The following HDAC9 variants were observed in gnomAD, a reference collection of about 807,000 sequenced individuals.
HDAC9 encodes histone deacetylase 9.
Under a neutral mutation model 139.4 loss-of-function variants are expected in HDAC9, and 41 were observed. That is an observed-to-expected ratio of 0.29 (90% CI 0.23 to 0.38). The LOEUF (loss-of-function observed/expected upper bound fraction) is 0.38, where lower values mean the gene tolerates loss of function less well. HDAC9 is among the 10% of genes least tolerant of loss of function. The pLI, the probability that HDAC9 is intolerant of heterozygous loss-of-function variation, is 1.00. For missense variants in HDAC9, 1,147 were observed against 1,297.0 expected (o/e 0.88, Z 1.78); for synonymous variants, 517 against 476.2 (o/e 1.09, Z -1.12).
chr7:18,903,687 A>C lies in HDAC9; in HGVS notation c.2803+29091A>C, dbSNP rs1801939672. 2.0e-5 allele frequency among the ~76,000 whole-genome samples: 3 copies of C among 152,292 alleles called. 1 individual carries two copies. In the South Asian group the frequency reaches 6.2e-4, roughly 32 times the overall value. ...TTTACTCCTCACTATCTTTCTGACA[A>C]ACATTCTCATTTATTCTACCTACAT... On this transcript the variant is annotated intron_variant, in intron 22 of 25. Coordinates refer to ENST00000686413, the MANE Select transcript of HDAC9 (RefSeq NM_178425.4).
rs184678802 is a variant in HDAC9, at chr7:18,484,348, A to C, written c.-41-11914A>C. Reference sequence around the variant, plus strand: ...AGATCCTATTAAAAAAAAAAAAAGTAAATGTCTATAGGTATTGAAATACAA... The same window carrying C: ...AGATCCTATTAAAAAAAAAAAAAGTCAATGTCTATAGGTATTGAAATACAA... On this transcript the variant is annotated intron_variant, in intron 1 of 3. Transcript: ENST00000413509. 2.0e-5 allele frequency among the ~76,000 whole-genome samples: 3 copies of C among 151,906 alleles called. No homozygotes were observed. In the East Asian group the frequency reaches 5.8e-4, roughly 29 times the overall value.
intron 16 of HDAC9, among the ~76,000 whole-genome samples, chr7:18,783,230 T>C (rs1791405656): frequency 6.6e-6 from 1 of 152,122 alleles, no homozygotes; most frequent in Non-Finnish European, 1.5e-5. Flanking sequence ...TAATTTTACT[T>C]CTGGCTTCAC....
chr7:18,886,904 T>C (rs1454114007), intron 22 of HDAC9, among the ~76,000 whole-genome samples: 1 of 152,366 alleles, frequency 6.6e-6, no homozygotes, highest in East Asian at 1.9e-4. Context: ...TTTATTATGA[T>C]GATTGCTATA....
chr7:18,694,111 G>A (rs1782861904), intron 12 of HDAC9, among the ~76,000 whole-genome samples: 1 of 152,080 alleles, frequency 6.6e-6, no homozygotes, highest in Admixed American at 6.6e-5. Flanking sequence ...GTGAAATAAA[G>A]ACCAAATGAT....
intron 25 of HDAC9, among the ~76,000 whole-genome samples, chr7:18,982,736 A>T (rs1428679171): frequency 6.6e-6 from 1 of 152,116 alleles, no homozygotes; most frequent in Non-Finnish European, 1.5e-5. Flanking sequence ...ATGCGTGTGT[A>T]CTGTATTTCT....
intron 1 of HDAC9, among the ~76,000 whole-genome samples, chr7:18,150,092 T>A (rs1317187972): frequency 2.6e-5 from 4 of 151,304 alleles, no homozygotes; most frequent in African/African-American, 7.3e-5. Flanking sequence ...TTTTTTTTTT[T>A]AAGTGCACAA....
intron 1 of HDAC9, among the ~76,000 whole-genome samples, chr7:18,121,850 A>G (rs1784383846): frequency 6.6e-6 from 1 of 152,212 alleles, no homozygotes; most frequent in Non-Finnish European, 1.5e-5. Flanking sequence ...TATTATTGAG[A>G]GTAGGATTAG....
At chr7:18,943,097 G>A (rs1475596515) in intron 23 of HDAC9, among the ~76,000 whole-genome samples, 1 of 151,882 alleles carries the variant, frequency 6.6e-6, no homozygotes, top group Non-Finnish European at 1.5e-5. Flanking sequence ...GCAGAAACAG[G>A]GGCAAGTAAA....
chr7:18,887,106 T>C (rs917483277), intron 22 of HDAC9, among the ~76,000 whole-genome samples: 3 of 152,190 alleles, frequency 2.0e-5, no homozygotes, highest in Admixed American at 1.3e-4. Context: ...TCTTGGGGAA[T>C]GGACGTGCAG....
intron 2 of HDAC9, among the ~76,000 whole-genome samples, chr7:18,558,783 T>C (rs1028992703): frequency 6.6e-6 from 1 of 152,204 alleles, no homozygotes. Flanking sequence ...CTCGATTCAG[T>C]AATTATCAAT....
chr7:18,733,024 T>C (rs1189142125), intron 13 of HDAC9, among the ~76,000 whole-genome samples: 2 of 145,818 alleles, frequency 1.4e-5, no homozygotes, highest in African/African-American at 5.1e-5. Flanking sequence ...TGTGTGTATA[T>C]ATGTATATAT....
At chr7:18,841,390 TATA>T (rs1172589143) in intron 21 of HDAC9, among the ~76,000 whole-genome samples, 2 of 152,194 alleles carry the variant, frequency 1.3e-5, no homozygotes, top group Admixed American at 6.6e-5. Context: ...AAAACAACAA[TATA>T]ATAATAATAA....
intron 25 of HDAC9, 94 bp from the exon 26 acceptor site, chr7:18,995,925 CAGAG>C: frequency 1.2e-6 from 1 of 833,548 alleles, no homozygotes; most frequent in Non-Finnish European, 1.9e-6. Context: ...AAATAAACAT[CAGAG>C]AGAGCTGAAA....
At chr7:18,418,681 A>C (rs1789326136) in intron 1 of HDAC9, among the ~76,000 whole-genome samples, 1 of 152,116 alleles carries the variant, frequency 6.6e-6, no homozygotes, top group Non-Finnish European at 1.5e-5. Context: ...TAGTGATAAA[A>C]TTTTATGCTT....
intron 17 of HDAC9, among the ~76,000 whole-genome samples, chr7:18,818,336 G>A (rs1001631067): frequency 7.9e-5 from 12 of 152,132 alleles, no homozygotes; most frequent in Non-Finnish European, 1.6e-4. Flanking sequence ...TTAGTTTTTG[G>A]ATAGTAGGCA....
At chr7:18,522,622 A>C (rs1805447756) in intron 2 of HDAC9, among the ~76,000 whole-genome samples, 1 of 152,078 alleles carries the variant, frequency 6.6e-6, no homozygotes. Context: ...AAAAACAAAA[A>C]AAAAAACATC....
At chr7:18,402,626 A>C (rs933224782) in intron 1 of HDAC9, among the ~76,000 whole-genome samples, 1 of 152,190 alleles carries the variant, frequency 6.6e-6, no homozygotes, top group African/African-American at 2.4e-5. Flanking sequence ...GTTTCAGGCA[A>C]GTGAGAGGCA....
intron 22 of HDAC9, among the ~76,000 whole-genome samples, chr7:18,920,064 T>C (rs920058807): frequency 4.6e-5 from 7 of 152,186 alleles, no homozygotes; most frequent in East Asian, 1.9e-4. Context: ...GGGGATGGCA[T>C]TGAATCTATA....
intron 1 of HDAC9, among the ~76,000 whole-genome samples, chr7:18,312,159 T>C (rs1464847821): frequency 6.6e-6 from 1 of 152,166 alleles, no homozygotes; most frequent in Admixed American, 6.6e-5. Flanking sequence ...ACATATTCTT[T>C]CCCTGGTGCT....
Sources: gnomAD v4.1 joint callset for allele counts (sites outside exome capture counted in the v4.1 genomes callset) on GRCh38, gnomAD v4.1.1 for gene constraint, MANE v1.5 for transcripts, NCBI Gene and HGNC (gene_info 2026-07-23, HGNC 2026-07-21) for gene names.